RIMS1: variants seen among roughly 807,000 people sequenced by gnomAD.
The protein encoded by RIMS1 is regulating synaptic membrane exocytosis 1, also known as regulating synaptic membrane exocytosis protein 1.
A neutral mutation model predicts 214.1 loss-of-function variants in RIMS1; 83 were observed. The ratio of observed to expected loss-of-function variants is 0.39; its 90% CI spans 0.32 to 0.47. The LOEUF (loss-of-function observed/expected upper bound fraction) is 0.47, where lower values mean the gene tolerates loss of function less well. Ranked by LOEUF, RIMS1 falls within the 20% of genes least tolerant of loss-of-function variation. The pLI, the probability that RIMS1 is intolerant of heterozygous loss-of-function variation, is 0.99. For missense variants in RIMS1, 2,050 were observed against 2,161.8 expected (o/e 0.95, Z 1.03); for synonymous variants, 793 against 786.8 (o/e 1.01, Z -0.13).
intron 2 of RIMS1, among the ~76,000 whole-genome samples, chr6:71,992,385 CTTCT>C (rs1801848828): frequency 8.5e-6 from 1 of 117,482 alleles, no homozygotes; most frequent in Non-Finnish European, 1.8e-5. Context: ...TCTTTGCTTG[CTTCT>C]TTCTTTCTCT....
intron 2 of RIMS1, among the ~76,000 whole-genome samples, chr6:72,076,056 A>T (rs9446561): frequency 0.014 from 2,117 of 152,264 alleles, 50 homozygotes; most frequent in African/African-American, 0.047. Context: ...AAGCTTTAAG[A>T]CTTTTAAAAT....
intron 4 of RIMS1, among the ~76,000 whole-genome samples, chr6:72,172,109 A>C (rs925733087): frequency 1.3e-5 from 2 of 152,172 alleles, no homozygotes; most frequent in African/African-American, 4.8e-5. Flanking sequence ...AAATACTATG[A>C]ATTTAATTCA....
intron 2 of RIMS1, among the ~76,000 whole-genome samples, chr6:72,088,352 G>T (rs766835951): frequency 2.6e-5 from 4 of 151,872 alleles, no homozygotes; most frequent in Non-Finnish European, 5.9e-5. Flanking sequence ...AGGTTCAAGC[G>T]ATTCTCCTGC....
rs928840000 is a variant in RIMS1 at position 72,373,575 on chromosome 6, G to A, written c.4367-17023G>A. Among the ~76,000 whole-genome samples, 56 of 152,336 alleles carry A rather than the reference G, an allele frequency of 3.7e-4. 1 individual carries two copies. Among genetic ancestry groups the A allele is most frequent in the African/African-American group, 1.3e-3 (52 of 41,574 alleles). On this transcript the variant is annotated intron_variant, in intron 29 of 33. Transcript: ENST00000521978. Reference sequence around the variant, plus strand: ...AAACTGGAAAGAAGAGAGGCAGAAAGTAATTGATTCTGCTAAGGATGTCAA... The same window carrying A: ...AAACTGGAAAGAAGAGAGGCAGAAAATAATTGATTCTGCTAAGGATGTCAA...
At chr6:72,137,876 A>G (rs2041548668) in intron 4 of RIMS1, among the ~76,000 whole-genome samples, 1 of 151,564 alleles carries the variant, frequency 6.6e-6, no homozygotes, top group Admixed American at 6.6e-5. Flanking sequence ...AACTGGGACT[A>G]CAGGTGCCCA....
rs559930516 is a variant in RIMS1 at position 72,228,370 on chromosome 6, A to G, written c.1679-5403A>G. Among the ~76,000 whole-genome samples, 215 of 151,912 alleles carry G rather than the reference A, an allele frequency of 1.4e-3. 2 individuals are homozygous for G. The highest frequency in any genetic ancestry group is 4.7e-3 in the African/African-American group (196 of 41,504). On this transcript the variant is annotated intron_variant, in intron 6 of 33. Coordinates refer to ENST00000521978, the MANE Select transcript of RIMS1 (RefSeq NM_014989.7). ...ATTCTCTGTTTCCATGAATTTGACT[A>G]TTTTAGATTCCTCATATAATACTAC... is the stretch of plus-strand genomic sequence containing the variant.
chr6:72,257,414 C>T (rs1170173028), intron 16 of RIMS1, among the ~76,000 whole-genome samples: 3 of 151,866 alleles, frequency 2.0e-5, no homozygotes, highest in Admixed American at 1.3e-4. Context: ...ACTATATTAT[C>T]TTAGTTATGC....
intron 2 of RIMS1, among the ~76,000 whole-genome samples, chr6:72,079,933 C>T (rs953779206): frequency 1.4e-5 from 2 of 147,062 alleles, no homozygotes; most frequent in Admixed American, 6.7e-5. Flanking sequence ...ACCTGACAAT[C>T]GTTTTTTTAA....
Position 72,381,665 on chromosome 6 carries a change from G to A in RIMS1, c.4367-8933G>A, listed in dbSNP as rs141545523. Among the ~76,000 whole-genome samples, 772 of 152,310 alleles carry A rather than the reference G, an allele frequency of 5.1e-3. 9 individuals carry two copies. Among genetic ancestry groups the A allele is most frequent in the African/African-American group, 0.017 (712 of 41,570 alleles). ...TTGTTTATACTTTCAATAGCTCAGC[G>A]AATGGAAAAAACAAAGTTATGTTAG... On this transcript the variant is annotated intron_variant, in intron 29 of 33. Coordinates refer to ENST00000521978, the MANE Select transcript of RIMS1 (RefSeq NM_014989.7).
intron 28 of RIMS1, among the ~76,000 whole-genome samples, chr6:72,314,677 G>A (rs2095673556): frequency 1.3e-5 from 2 of 152,198 alleles, no homozygotes; most frequent in South Asian, 4.1e-4. Flanking sequence ...ATTTAAGGAA[G>A]AATTATAAGA....
chr6:71,973,398 A>C (rs1355785687), intron 2 of RIMS1, among the ~76,000 whole-genome samples: 1 of 152,142 alleles, frequency 6.6e-6, no homozygotes, highest in Non-Finnish European at 1.5e-5. Context: ...CTCTCTCAAC[A>C]GTGGCTATAA....
At chr6:71,960,597 A>G (rs905928921) in intron 1 of RIMS1, among the ~76,000 whole-genome samples, 3 of 152,122 alleles carry the variant, frequency 2.0e-5, no homozygotes, top group African/African-American at 4.8e-5. Flanking sequence ...GATCCAGACT[A>G]TGTTTCCTAC....
chr6:71,979,395 G>T lies in RIMS1; in HGVS notation c.245+10332G>T, dbSNP rs999913429. 2.0e-5 allele frequency among the ~76,000 whole-genome samples: 3 copies of T among 151,898 alleles called. No homozygotes were observed. In the East Asian group the frequency reaches 5.8e-4, roughly 29 times the overall value. On this transcript the variant is annotated intron_variant, in intron 2 of 33. Transcript: ENST00000521978. The stretch of plus-strand genomic sequence containing the variant: ...GACCTATGTTAGTGGCTTGCCCCAG[G>T]GTCACCCAGCAGGACAGGGGAAGAT...
chr6:72,233,030 A>C (rs1463558644), intron 6 of RIMS1, among the ~76,000 whole-genome samples: 1 of 151,734 alleles, frequency 6.6e-6, no homozygotes, highest in African/African-American at 2.4e-5. Context: ...TTTCCCTAAT[A>C]TCTCTTCTCA....
At chr6:72,189,602 T>C (rs1197237538) in intron 6 of RIMS1, among the ~76,000 whole-genome samples, 1 of 152,226 alleles carries the variant, frequency 6.6e-6, no homozygotes, top group African/African-American at 2.4e-5. Context: ...AGTAGCTGGC[T>C]GATCACCCCA....
At chr6:72,294,780 A>G (rs2093881001) in intron 26 of RIMS1, among the ~76,000 whole-genome samples, 1 of 151,770 alleles carries the variant, frequency 6.6e-6, no homozygotes. Context: ...TTCATTTTAA[A>G]AATTGAGAAT....
intron 6 of RIMS1, among the ~76,000 whole-genome samples, chr6:72,206,689 T>C (rs554130595): frequency 3.0e-4 from 46 of 152,322 alleles, no homozygotes; most frequent in African/African-American, 1.1e-3. Context: ...TTCCAGTACC[T>C]TGATCCCAAG....
At chr6:72,289,603 TTGAA>T (rs2093006465) in intron 24 of RIMS1, among the ~76,000 whole-genome samples, 1 of 152,182 alleles carries the variant, frequency 6.6e-6, no homozygotes, top group Non-Finnish European at 1.5e-5. Context: ...TTTGTTGTTC[TTGAA>T]TGAATAAGAT....
chr6:71,916,811 AAGTC>A (rs1276249466), intron 1 of RIMS1, among the ~76,000 whole-genome samples: 1 of 152,148 alleles, frequency 6.6e-6, no homozygotes, highest in East Asian at 1.9e-4. Context: ...GTAATTAAGT[AAGTC>A]AGTTAATTAG....
Sources: allele counts gnomAD v4.1 joint callset (sites outside exome capture counted in the v4.1 genomes callset), GRCh38; gene constraint gnomAD v4.1.1; transcripts MANE v1.5; gene names NCBI Gene and HGNC (gene_info 2026-07-23, HGNC 2026-07-21).